Variants in SMCO2 observed in about 807,000 individuals in gnomAD.
SMCO2 encodes the protein single-pass membrane and coiled-coil domain-containing protein 2.
SMCO2 carries 25 observed loss-of-function variants against 29.5 expected under a neutral mutation model. The observed-to-expected ratio is 0.85, with a 90% CI of 0.62 to 1.18. The LOEUF (loss-of-function observed/expected upper bound fraction) is 1.18. SMCO2 is among the 50% of genes most tolerant of loss of function. SMCO2 has a pLI of 0.00. For missense variants in SMCO2, 348 were observed against 344.5 expected (o/e 1.01, Z -0.08); for synonymous variants, 117 against 123.3 (o/e 0.95, Z 0.34).
chr12:27,440,593 A>G, the SMCO2 span, among the ~76,000 whole-genome samples: 2 of 152,104 alleles, frequency 1.3e-5, no homozygotes, highest in East Asian at 3.8e-4. Context: ...TGAGGCAACT[A>G]AAAGTCAAAA....
the SMCO2 span, among the ~76,000 whole-genome samples, chr12:27,439,819 A>G: frequency 1.3e-5 from 2 of 152,184 alleles, no homozygotes; most frequent in African/African-American, 2.4e-5. Flanking sequence ...AAAGAAGAAC[A>G]AGGAACAAAG....
At chr12:27,456,393 G>A in the SMCO2 span, among the ~76,000 whole-genome samples, 2 of 152,118 alleles carry the variant, frequency 1.3e-5, no homozygotes, top group Admixed American at 1.3e-4. Flanking sequence ...TTTAAAGTCT[G>A]TATATTTTTA....
intron 4 of SMCO2, among the ~76,000 whole-genome samples, chr12:27,482,113 C>T (rs1175717117): frequency 6.6e-6 from 1 of 151,514 alleles, no homozygotes; most frequent in Non-Finnish European, 1.5e-5. Flanking sequence ...TTTGAGATCT[C>T]TTGTCTTTTT....
chr12:27,446,085 G>A, the SMCO2 span, among the ~76,000 whole-genome samples: 3 of 152,088 alleles, frequency 2.0e-5, no homozygotes, highest in Non-Finnish European at 4.4e-5. Context: ...TGTATTTTTA[G>A]TAGAGATGGG....
intron 7 of SMCO2, among the ~76,000 whole-genome samples, chr12:27,499,771 G>A (rs1220898624): frequency 6.6e-6 from 1 of 150,756 alleles, no homozygotes; most frequent in Non-Finnish European, 1.5e-5. Flanking sequence ...AAGAACTGGA[G>A]ATATATTGGT....
chr12:27,463,580 T>C (rs1949474896), upstream of SMCO2, among the ~76,000 whole-genome samples: 1 of 152,160 alleles, frequency 6.6e-6, no homozygotes. Context: ...CTATAATCTT[T>C]GAAAAGGGCT....
At chr12:27,473,021 GA>G (rs1949554481) in intron 3 of SMCO2, 146 bp downstream of exon 3, 1 of 628,640 alleles carries the variant, frequency 1.6e-6, no homozygotes, top group South Asian at 2.0e-5. Flanking sequence ...TTGAAATCAG[GA>G]GGGAGGCAGG....
chr12:27,435,236 G>C, the SMCO2 span, among the ~76,000 whole-genome samples: 1 of 129,436 alleles, frequency 7.7e-6, no homozygotes, highest in African/African-American at 3.0e-5. Context: ...TGCACTGTTG[G>C]CTGTTTAGCT....
intron 7 of SMCO2, among the ~76,000 whole-genome samples, chr12:27,500,598 A>T (rs754341489): frequency 1.3e-5 from 2 of 150,576 alleles, no homozygotes; most frequent in Non-Finnish European, 2.9e-5. Flanking sequence ...TGGTTTTTTA[A>T]TTTAGGAGGA....
At chr12:27,460,755 GT>G in the SMCO2 span, among the ~76,000 whole-genome samples, 1 of 152,264 alleles carries the variant, frequency 6.6e-6, no homozygotes, top group South Asian at 2.1e-4. Flanking sequence ...AGGTTTGACT[GT>G]TCTACAAAAG....
At chr12:27,430,384 T>C in the SMCO2 span, among the ~76,000 whole-genome samples, 1 of 152,222 alleles carries the variant, frequency 6.6e-6, no homozygotes, top group East Asian at 1.9e-4. Context: ...ATTTTGTTTA[T>C]AAAATATAAG....
the SMCO2 span, among the ~76,000 whole-genome samples, chr12:27,442,427 A>G: frequency 6.6e-6 from 1 of 152,204 alleles, no homozygotes; most frequent in Non-Finnish European, 1.5e-5. Flanking sequence ...GAACAACTGT[A>G]TGCCAACAAA....
intron 3 of SMCO2, 45 bp downstream of exon 3, chr12:27,472,920 T>C (rs1168489914): frequency 1.5e-6 from 2 of 1,372,388 alleles, no homozygotes; most frequent in African/African-American, 1.4e-5. Flanking sequence ...AATGACACAG[T>C]AGGTTGAAGA....
chr12:27,499,607 A>G (rs1415336644), intron 7 of SMCO2, among the ~76,000 whole-genome samples: 2 of 150,756 alleles, frequency 1.3e-5, no homozygotes, highest in African/African-American at 5.0e-5. Context: ...CTCCAAACCA[A>G]CCAACCAGAC....
chr12:27,483,413 C>T (rs1949661992), intron 4 of SMCO2, among the ~76,000 whole-genome samples: 1 of 151,766 alleles, frequency 6.6e-6, no homozygotes, highest in South Asian at 2.1e-4. Flanking sequence ...TTTCTTTATC[C>T]TTCTCTTTGT....
chr12:27,446,407 T>C, the SMCO2 span: 1 of 152,214 alleles, frequency 6.6e-6, no homozygotes, highest in Non-Finnish European at 1.5e-5. Flanking sequence ...CCCAAAGGCC[T>C]GATCTCCAAA....
At chr12:27,470,883 A>ATCTG in intron 2 of SMCO2, 118 bp downstream of exon 2, 1 of 1,155,332 alleles carries the variant, frequency 8.7e-7, no homozygotes, top group South Asian at 1.7e-5. Context: ...GACAGTCTTC[A>ATCTG]CTATAATTTA....
chr12:27,435,197 A>G, the SMCO2 span, among the ~76,000 whole-genome samples: 708 of 140,658 alleles, frequency 5.0e-3, 1 homozygote, highest in Non-Finnish European at 8.3e-3. Flanking sequence ...TACATCCTGT[A>G]TAATTCTTTG....
At chr12:27,493,082 A>G (rs1316690141) in intron 5 of SMCO2, among the ~76,000 whole-genome samples, 1 of 152,232 alleles carries the variant, frequency 6.6e-6, no homozygotes, top group Non-Finnish European at 1.5e-5. Context: ...TAACTCAGGA[A>G]CAGAAAATCA....
Sources: gnomAD v4.1 joint callset for allele counts (sites outside exome capture counted in the v4.1 genomes callset) on GRCh38, gnomAD v4.1.1 for gene constraint, MANE v1.5 for transcripts, NCBI Gene and HGNC (gene_info 2026-07-23, HGNC 2026-07-21) for gene names.